Variants in TRIM9 observed in about 807,000 individuals in gnomAD.
TRIM9 encodes tripartite motif containing 9, also known as E3 ubiquitin-protein ligase TRIM9.
TRIM9 carries 26 observed loss-of-function variants against 78.3 expected under a neutral mutation model. That is an observed-to-expected ratio of 0.33 (90% confidence interval 0.24 to 0.46). The LOEUF (loss-of-function observed/expected upper bound fraction) is 0.46. Ranked by LOEUF, TRIM9 falls within the 20% of genes least tolerant of loss-of-function variation. TRIM9 has a pLI of 1.00. For synonymous variants in TRIM9, 398 were observed against 416.5 expected, an observed-to-expected ratio of 0.96 and a Z score of 0.54; for missense variants, 787 against 1,036.4, an observed-to-expected ratio of 0.76 and a Z score of 3.30.
At chr14:51,028,818 G>A (rs73288875) in intron 1 of TRIM9, among the ~76,000 whole-genome samples, 10,435 of 152,162 alleles carry the variant, frequency 0.069, 457 homozygotes, top group Middle Eastern at 0.11. Flanking sequence ...GAGAATCACC[G>A]AGGTCTCCCA....
Position 51,095,045 on chromosome 14 carries a change from G to T in TRIM9, c.-106C>A. 1.3e-6 allele frequency: 1 copy of T among 793,466 alleles called. No homozygotes were observed. Among genetic ancestry groups the T allele is most frequent in the Non-Finnish European group, 1.8e-6 (1 of 567,332 alleles). 49.2% of individuals were successfully genotyped at this position (793,466 alleles called of 1,614,324 possible). ...AGCACCCTGGCCAGCGGCGGCGGCT[G>T]TGGTGGTGGTGCCTTCCCGCGCAGC... On this transcript the variant is annotated 5_prime_UTR_variant, in exon 1 of 13. Coordinates refer to ENST00000684578, the MANE Select transcript of TRIM9 (RefSeq NM_001387360.1).
chr14:51,057,123 C>G (rs1799402928), intron 1 of TRIM9, among the ~76,000 whole-genome samples: 1 of 152,166 alleles, frequency 6.6e-6, no homozygotes, highest in Non-Finnish European at 1.5e-5. Context: ...ATGCTGTGCT[C>G]TCAGCTCTCC....
intron 5 of TRIM9, among the ~76,000 whole-genome samples, chr14:51,004,414 C>T (rs1436239377): frequency 6.6e-6 from 1 of 152,122 alleles, no homozygotes; most frequent in African/African-American, 2.4e-5. Context: ...ATTTCAAATT[C>T]TATCTCACAT....
chr14:51,015,967 C>A (rs1040369053), intron 3 of TRIM9, among the ~76,000 whole-genome samples: 1 of 152,106 alleles, frequency 6.6e-6, no homozygotes, highest in Non-Finnish European at 1.5e-5. Flanking sequence ...ACAATTTCCC[C>A]CAAGCATAAG....
rs999338396 is a variant in TRIM9 at position 50,976,624 on chromosome 14, T to C, written c.*667A>G. 2.0e-5 allele frequency: 3 copies of C among 152,634 alleles called. No individual in the cohort carries two copies. The highest frequency in any genetic ancestry group is 7.2e-5 in the African/African-American group (3 of 41,456). 9.5% of individuals were successfully genotyped at this position (152,634 alleles called of 1,614,324 possible). A position where few individuals can be genotyped will look rare whatever the true frequency, so the allele number is the denominator to read the frequency against. On this transcript the variant is annotated 3_prime_UTR_variant, in exon 13 of 13. Transcript: ENST00000684578. Reference sequence around the variant, plus strand: ...TTAGAGACTTTCCAATTTTATACAGTGGCCAGGGTTCTGGCCTATCCTAAT... The same window carrying C: ...TTAGAGACTTTCCAATTTTATACAGCGGCCAGGGTTCTGGCCTATCCTAAT...
At chr14:51,054,870 C>A (rs1379806712) in intron 1 of TRIM9, among the ~76,000 whole-genome samples, 2 of 140,484 alleles carry the variant, frequency 1.4e-5, no homozygotes, top group East Asian at 4.4e-4. Flanking sequence ...GGCTCTGTCG[C>A]CCAGGCTGGA....
chr14:51,070,227 T>C (rs1478866762), intron 1 of TRIM9, among the ~76,000 whole-genome samples: 3 of 152,190 alleles, frequency 2.0e-5, no homozygotes, highest in Non-Finnish European at 2.9e-5. Flanking sequence ...TAGATAAGCA[T>C]CGTTCAAGCA....
intron 7 of TRIM9, chr14:50,986,501 T>A (rs368774571): frequency 6.1e-6 from 1 of 163,208 alleles, no homozygotes; most frequent in South Asian, 2.0e-4. Context: ...GATATTATTT[T>A]ACCCCCTTCA....
chr14:51,001,222 C>T (rs1296683712), intron 5 of TRIM9, among the ~76,000 whole-genome samples: 1 of 144,480 alleles, frequency 6.9e-6, no homozygotes, highest in African/African-American at 2.6e-5. Flanking sequence ...TGAAGCTGTG[C>T]TAATAATTTT....
intron 7 of TRIM9, among the ~76,000 whole-genome samples, chr14:50,995,392 A>G (rs2054072449): frequency 6.6e-6 from 1 of 152,158 alleles, no homozygotes; most frequent in African/African-American, 2.4e-5. Context: ...TCAACACTCT[A>G]TACCCACAGC....
At chr14:51,036,866 C>T (rs75978552) in intron 1 of TRIM9, among the ~76,000 whole-genome samples, 9,020 of 152,260 alleles carry the variant, frequency 0.059, 341 homozygotes, top group East Asian at 0.14. Context: ...GGGCTATCTA[C>T]ATCTATTGTG....
intron 7 of TRIM9, among the ~76,000 whole-genome samples, chr14:50,989,524 A>G (rs2053200889): frequency 6.6e-6 from 1 of 152,194 alleles, no homozygotes; most frequent in Non-Finnish European, 1.5e-5. Context: ...AATATGCAGG[A>G]TAATAATTAT....
chr14:51,044,609 A>G (rs547726090), intron 1 of TRIM9, among the ~76,000 whole-genome samples: 3 of 152,268 alleles, frequency 2.0e-5, no homozygotes, highest in Admixed American at 2.0e-4. Context: ...GAGAATGGAA[A>G]CTTCAGGCCA....
chr14:51,018,473 G>A (rs767160869), intron 3 of TRIM9, among the ~76,000 whole-genome samples: 3 of 151,952 alleles, frequency 2.0e-5, no homozygotes, highest in Non-Finnish European at 2.9e-5. Flanking sequence ...AATAATATCC[G>A]TAACGTAAAT....
intron 1 of TRIM9, among the ~76,000 whole-genome samples, chr14:51,045,931 A>AG (rs146593402): frequency 6.6e-6 from 1 of 152,332 alleles, no homozygotes; most frequent in African/African-American, 2.4e-5. Context: ...TTCCATCAAC[A>AG]GAAAAAAAAA....
intron 7 of TRIM9, among the ~76,000 whole-genome samples, chr14:50,991,333 T>C (rs892569556): frequency 6.6e-6 from 1 of 152,212 alleles, no homozygotes; most frequent in African/African-American, 2.4e-5. Context: ...ATCATGCATG[T>C]GTCAAAATTT....
intron 1 of TRIM9, among the ~76,000 whole-genome samples, chr14:51,048,692 C>T (rs1403007108): frequency 1.3e-5 from 2 of 151,996 alleles, no homozygotes; most frequent in African/African-American, 4.8e-5. Flanking sequence ...AACAAAACAT[C>T]CCATCTCGGG....
chr14:51,000,725 T>A lies in TRIM9; in HGVS notation c.1422A>T (p.Gly474=). Residue 474 remains glycine, a synonymous_variant, in exon 6 of 13, where the codon GGA becomes GGT. Coordinates refer to ENST00000684578, the MANE Select transcript of TRIM9 (RefSeq NM_001387360.1). ...TGCCATCATCCAGCTCCAGAATGTA[T>A]CCATCGGCGGGCACCGTGGACAGAG... is the stretch of plus-strand genomic sequence containing the variant. The part of the protein sequence containing the change: ...QPPLSTVPAD[G]YILELDDGNG... 6.2e-7 allele frequency: 1 copy of A among 1,614,174 alleles called. No homozygotes were observed. The highest frequency in any genetic ancestry group is 8.5e-7 in the Non-Finnish European group (1 of 1,180,020).
chr14:50,982,861 T>A, intron 10 of TRIM9, 81 bp downstream of exon 10: 1 of 1,318,252 alleles, frequency 7.6e-7, no homozygotes, highest in Non-Finnish European at 1.1e-6. Flanking sequence ...GAGATGTAAT[T>A]GCTGATTTAT....
Sources: gnomAD v4.1 joint callset for allele counts (sites outside exome capture counted in the v4.1 genomes callset) on GRCh38, gnomAD v4.1.1 for gene constraint, MANE v1.5 for transcripts, NCBI Gene and HGNC (gene_info 2026-07-23, HGNC 2026-07-21) for gene names.